FRMPD4: variants seen among roughly 807,000 people sequenced by gnomAD.
The protein encoded by FRMPD4 is FERM and PDZ domain-containing protein 4.
A neutral mutation model predicts 94.1 loss-of-function variants in FRMPD4; 22 were observed. The ratio of observed to expected loss-of-function variants is 0.23; its 90% CI spans 0.17 to 0.33. FRMPD4 has a LOEUF of 0.33. FRMPD4 is among the 10% of genes least tolerant of loss of function. The probability of loss-of-function intolerance (pLI) is 1.00; values close to 1 mark genes in which losing one functional copy is unlikely to be tolerated. For missense variants in FRMPD4, 1,111 were observed against 1,339.9 expected (o/e 0.83, Z 2.67); for synonymous variants, 631 against 548.6 (o/e 1.15, Z -2.10).
intron 2 of FRMPD4, among the ~76,000 whole-genome samples, chrX:12,501,673 T>A (rs915806761): frequency 8.9e-6 from 1 of 111,762 alleles, no homozygotes; most frequent in Non-Finnish European, 1.9e-5. Flanking sequence ...TTCTTTTTTT[T>A]ATCTCGTCTT....
chrX:12,505,818 G>A (rs1008933140), intron 2 of FRMPD4, among the ~76,000 whole-genome samples: 1 of 110,812 alleles, frequency 9.0e-6, no homozygotes, highest in Non-Finnish European at 1.9e-5. Flanking sequence ...CCAAAAGGTG[G>A]GAAACTGCAG....
chrX:12,091,005 C>T (rs1392494830), intron 3 of FRMPD4, among the ~76,000 whole-genome samples: 6 of 111,779 alleles, frequency 5.4e-5, no homozygotes, highest in Non-Finnish European at 9.4e-5. Context: ...TCCTTTGTTT[C>T]CCCTTGGAGA....
chrX:12,667,475 C>A, intron 4 of FRMPD4, among the ~76,000 whole-genome samples: 1 of 111,496 alleles, frequency 9.0e-6, no homozygotes, highest in Non-Finnish European at 1.9e-5. Flanking sequence ...TTAGCACATG[C>A]CAATATGATT....
intron 1 of FRMPD4, among the ~76,000 whole-genome samples, chrX:12,397,262 TA>T (rs79137864): frequency 1.9e-4 from 20 of 104,951 alleles, no homozygotes; most frequent in South Asian, 4.2e-4. Flanking sequence ...AACTTTTTTT[TA>T]AAAAAAAAAA....
intron 3 of FRMPD4, among the ~76,000 whole-genome samples, chrX:11,927,705 T>C (rs2054097165): frequency 8.9e-6 from 1 of 112,444 alleles, no homozygotes; most frequent in African/African-American, 3.2e-5. Context: ...ATGCAGAAGA[T>C]TGAAACTTGA....
chrX:12,160,747 A>G (rs897383865), intron 1 of FRMPD4, among the ~76,000 whole-genome samples: 6 of 111,590 alleles, frequency 5.4e-5, no homozygotes, highest in African/African-American at 1.6e-4. Flanking sequence ...AAAATAAGTC[A>G]TAATTTCTGG....
chrX:12,403,762 C>T (rs905225482), intron 1 of FRMPD4, among the ~76,000 whole-genome samples: 1 of 111,461 alleles, frequency 9.0e-6, no homozygotes, highest in African/African-American at 3.3e-5. Context: ...ATGCTTTCTG[C>T]TCTCCCCTGG....
chrX:11,850,082 A>G (rs759347715), intron 1 of FRMPD4, among the ~76,000 whole-genome samples: 3 of 112,154 alleles, frequency 2.7e-5, no homozygotes, highest in East Asian at 2.8e-4. Flanking sequence ...CAGCTCAACA[A>G]CAAACCAAAT....
intron 1 of FRMPD4, among the ~76,000 whole-genome samples, chrX:12,179,720 C>T (rs1373300945): frequency 9.0e-6 from 1 of 111,547 alleles, no homozygotes; most frequent in Non-Finnish European, 1.9e-5. Context: ...GTTAACAAAT[C>T]AGCTTTCACC....
chrX:12,505,225 C>A (rs1042431192), intron 2 of FRMPD4, among the ~76,000 whole-genome samples: 2 of 111,674 alleles, frequency 1.8e-5, no homozygotes, highest in Non-Finnish European at 3.8e-5. Context: ...GGCCTCTGGA[C>A]CTCTTCTTTC....
intron 1 of FRMPD4, among the ~76,000 whole-genome samples, chrX:12,344,579 T>C (rs1454723044): frequency 1.8e-5 from 2 of 112,443 alleles, no homozygotes; most frequent in Non-Finnish European, 3.8e-5. Context: ...TTTAATGCTT[T>C]GACCCTGTCA....
chrX:12,287,851 A>G (rs905490643), intron 1 of FRMPD4, among the ~76,000 whole-genome samples: 17 of 112,365 alleles, frequency 1.5e-4, no homozygotes, highest in African/African-American at 5.2e-4. Flanking sequence ...ACAGTACCCA[A>G]TTAACAGTGG....
chrX:12,034,939 C>T (rs1332969915), intron 3 of FRMPD4, among the ~76,000 whole-genome samples: 1 of 111,681 alleles, frequency 9.0e-6, no homozygotes, highest in Non-Finnish European at 1.9e-5. Context: ...GGTGGGCTGA[C>T]GACTCAAGTT....
At chrX:12,121,242 A>G (rs1311053880) in intron 3 of FRMPD4, among the ~76,000 whole-genome samples, 1 of 110,503 alleles carries the variant, frequency 9.0e-6, no homozygotes, top group Non-Finnish European at 1.9e-5. Flanking sequence ...AGAAGCAGAT[A>G]TAAGAATCCA....
rs747477350 is a variant in FRMPD4, at chrX:12,050,351, G to T, written c.95+172333G>T. On this transcript the variant is annotated intron_variant, in intron 3 of 18. Coordinates refer to the FRMPD4 transcript ENST00000640291. ...ATACACACATACTTAGCATTGTGCT[G>T]CAATTGCCTACATATTTAGTATAGT... Among the ~76,000 whole-genome samples, 13 of 111,693 alleles carry T rather than the reference G, an allele frequency of 1.2e-4. No homozygotes were observed. In the South Asian group the frequency reaches 4.1e-3, roughly 35 times the overall value.
At chrX:12,084,141 C>A (rs2147487410) in intron 3 of FRMPD4, among the ~76,000 whole-genome samples, 1 of 94,054 alleles carries the variant, frequency 1.1e-5, no homozygotes, top group African/African-American at 4.1e-5. Flanking sequence ...TGAATTGTAT[C>A]TCCCAAAATT....
At chrX:11,835,541 C>T (rs1356105996) in intron 1 of FRMPD4, among the ~76,000 whole-genome samples, 2 of 112,042 alleles carry the variant, frequency 1.8e-5, no homozygotes, top group African/African-American at 6.5e-5. Flanking sequence ...GGATGAGCAA[C>T]ATTGAGCAGG....
chrX:12,475,563 C>T (rs1403028861), intron 1 of FRMPD4, among the ~76,000 whole-genome samples: 1 of 111,699 alleles, frequency 9.0e-6, no homozygotes, highest in Non-Finnish European at 1.9e-5. Flanking sequence ...TTTAGAAAAC[C>T]CCATCATCTC....
intron 1 of FRMPD4, among the ~76,000 whole-genome samples, chrX:12,264,853 C>T (rs2054248228): frequency 8.9e-6 from 1 of 111,927 alleles, no homozygotes; most frequent in African/African-American, 3.3e-5. Context: ...TTGTATTAAG[C>T]CTAGTGAAAT....
Sources: gnomAD v4.1 joint callset for allele counts (sites outside exome capture counted in the v4.1 genomes callset) on GRCh38, gnomAD v4.1.1 for gene constraint, MANE v1.5 for transcripts, NCBI Gene and HGNC (gene_info 2026-07-23, HGNC 2026-07-21) for gene names.